The following PCDH11X variants were observed in gnomAD, a reference collection of about 807,000 sequenced individuals.
PCDH11X encodes protocadherin 11 X-linked, also known as protocadherin-11 X-linked.
A neutral mutation model predicts 53.3 loss-of-function variants in PCDH11X; 18 were observed. The observed-to-expected ratio is 0.34, with a 90% CI of 0.23 to 0.50. PCDH11X has a LOEUF of 0.50. Among genes scored for constraint, PCDH11X ranks in the 20% least tolerant of loss-of-function variants. The pLI is 0.98. For missense variants in PCDH11X, 570 were observed against 1,032.4 expected (o/e 0.55, Z 6.14); for synonymous variants, 279 against 393.3 (o/e 0.71, Z 3.44).
chrX:92,348,204 C>T (rs2069949475), intron 8 of PCDH11X, among the ~76,000 whole-genome samples: 2 of 111,668 alleles, frequency 1.8e-5, no homozygotes, highest in African/African-American at 3.3e-5. Context: ...GCTCTGAGGA[C>T]GTCTGTTGGT....
At chrX:91,962,932 G>A (rs1211061228) in intron 6 of PCDH11X, among the ~76,000 whole-genome samples, 1 of 110,290 alleles carries the variant, frequency 9.1e-6, no homozygotes, top group African/African-American at 3.3e-5. Flanking sequence ...TGGGACACAG[G>A]GCATCAAGTC....
At chrX:91,824,805 T>G (rs767716891) in intron 4 of PCDH11X, among the ~76,000 whole-genome samples, 69 of 108,558 alleles carry the variant, frequency 6.4e-4, no homozygotes, top group African/African-American at 2.4e-3. Flanking sequence ...TCTTTGTGGT[T>G]TTATCTACTT....
At chrX:91,936,236 C>A (rs767285322) in intron 6 of PCDH11X, among the ~76,000 whole-genome samples, 3 of 108,805 alleles carry the variant, frequency 2.8e-5, no homozygotes, top group African/African-American at 1.0e-4. Flanking sequence ...AGAGGGGGTG[C>A]GATGTTTCAG....
intron 10 of PCDH11X, among the ~76,000 whole-genome samples, chrX:92,541,880 C>T (rs2750966): frequency 1.8e-5 from 2 of 110,389 alleles, no homozygotes; most frequent in Non-Finnish European, 1.9e-5. Context: ...ACCCAGGCGG[C>T]GGAGGTTGCA....
chrX:91,937,847 C>T (rs1005251465), intron 6 of PCDH11X, among the ~76,000 whole-genome samples: 1 of 111,015 alleles, frequency 9.0e-6, no homozygotes, highest in African/African-American at 3.3e-5. Flanking sequence ...ACTTTTATAG[C>T]TCATACAATT....
At chrX:92,059,326 A>G (rs1337918442) in intron 6 of PCDH11X, among the ~76,000 whole-genome samples, 1 of 111,365 alleles carries the variant, frequency 9.0e-6, no homozygotes, top group Admixed American at 9.6e-5. Flanking sequence ...TCACAATCCC[A>G]TGAGCTAGGA....
At chrX:92,227,036 C>T (rs1270266034) in intron 7 of PCDH11X, among the ~76,000 whole-genome samples, 1 of 111,615 alleles carries the variant, frequency 9.0e-6, no homozygotes, top group Non-Finnish European at 1.9e-5. Context: ...TAGTAATTAA[C>T]AGATAAAGTA....
At chrX:92,187,426 C>CT (rs1302287029) in intron 6 of PCDH11X, among the ~76,000 whole-genome samples, 4 of 111,324 alleles carry the variant, frequency 3.6e-5, no homozygotes, top group African/African-American at 1.3e-4. Flanking sequence ...CTGCAGAGTC[C>CT]TTTTTTTGAT....
intron 10 of PCDH11X, among the ~76,000 whole-genome samples, chrX:92,528,737 A>AC (rs1238443616): frequency 9.0e-6 from 1 of 111,686 alleles, no homozygotes; most frequent in African/African-American, 3.3e-5. Flanking sequence ...AGAAAAGAAG[A>AC]CGTAGTGTTT....
chrX:91,933,138 G>A (rs140505522), intron 6 of PCDH11X, among the ~76,000 whole-genome samples: 14,784 of 107,713 alleles, frequency 0.14, 844 homozygotes, highest in East Asian at 0.24. Context: ...ATCAAGGTGG[G>A]TCTATTTTGA....
At chrX:91,824,412 C>A (rs1934873369) in intron 4 of PCDH11X, among the ~76,000 whole-genome samples, 1 of 110,490 alleles carries the variant, frequency 9.1e-6, no homozygotes, top group African/African-American at 3.3e-5. Flanking sequence ...CTTCTCACTT[C>A]ATTTCATTCA....
At chrX:92,369,085 G>A (rs189998388) in intron 8 of PCDH11X, among the ~76,000 whole-genome samples, 13 of 97,988 alleles carry the variant, frequency 1.3e-4, no homozygotes, top group African/African-American at 4.9e-4. Context: ...CAGCAGGCAG[G>A]AATGATGATA....
At chrX:92,311,041 A>G (rs1440471051) in intron 8 of PCDH11X, among the ~76,000 whole-genome samples, 1 of 111,839 alleles carries the variant, frequency 8.9e-6, no homozygotes, top group African/African-American at 3.2e-5. Flanking sequence ...GACCTCAACT[A>G]AATTTCCAGT....
chrX:92,013,552 C>G (rs935841591), intron 6 of PCDH11X, among the ~76,000 whole-genome samples: 1 of 111,315 alleles, frequency 9.0e-6, no homozygotes, highest in Non-Finnish European at 1.9e-5. Context: ...CATTTGGAAC[C>G]AAAAAAGAGC....
chrX:92,001,972 T>C (rs1165540171), intron 6 of PCDH11X, among the ~76,000 whole-genome samples: 3 of 102,986 alleles, frequency 2.9e-5, no homozygotes, highest in African/African-American at 1.1e-4. Context: ...AAGAATTCTT[T>C]GCCCAGACCA....
intron 8 of PCDH11X, among the ~76,000 whole-genome samples, chrX:92,292,892 CAA>C (rs1003208879): frequency 9.3e-6 from 1 of 107,486 alleles, no homozygotes; most frequent in Admixed American, 1.0e-4. Context: ...AAGTAATTAA[CAA>C]GAGAGAGTGT....
chrX:91,973,438 T>TA (rs1276150882), intron 6 of PCDH11X, among the ~76,000 whole-genome samples: 1,684 of 67,764 alleles, frequency 0.025, 24 homozygotes, highest in Non-Finnish European at 0.042. Flanking sequence ...TAAAGTATAA[T>TA]AAAAAAAAAA....
intron 6 of PCDH11X, among the ~76,000 whole-genome samples, chrX:92,065,851 C>T: frequency 9.1e-6 from 1 of 109,501 alleles, no homozygotes; most frequent in Non-Finnish European, 1.9e-5. Context: ...TGTGCAGAAG[C>T]TTTTTAACTT....
At chrX:92,535,732 G>A (rs2074646192) in intron 10 of PCDH11X, among the ~76,000 whole-genome samples, 1 of 111,481 alleles carries the variant, frequency 9.0e-6, no homozygotes, top group Non-Finnish European at 1.9e-5. Flanking sequence ...GGCAAAGATA[G>A]GAATACGATC....
Sources: allele counts gnomAD v4.1 joint callset (sites outside exome capture counted in the v4.1 genomes callset), GRCh38; gene constraint gnomAD v4.1.1; transcripts MANE v1.5; gene names NCBI Gene and HGNC (gene_info 2026-07-23, HGNC 2026-07-21).